Variants in ARHGEF18 observed in about 807,000 individuals in gnomAD.
The protein encoded by ARHGEF18 is Rho/Rac guanine nucleotide exchange factor 18.
A neutral mutation model predicts 155.7 loss-of-function variants in ARHGEF18; 93 were observed. That is an observed-to-expected ratio of 0.60 (90% CI 0.50 to 0.71). ARHGEF18 has a LOEUF of 0.71. Among genes scored for constraint, ARHGEF18 ranks in the 30% least tolerant of loss-of-function variants. The pLI is 0.00. For missense variants in ARHGEF18, 1,593 were observed against 1,816.1 expected (o/e 0.88, Z 2.23); for synonymous variants, 742 against 753.1 (o/e 0.99, Z 0.24).
intron 10 of ARHGEF18, among the ~76,000 whole-genome samples, chr19:7,431,705 T>C (rs565817785): frequency 1.2e-4 from 19 of 152,074 alleles, no homozygotes; most frequent in Middle Eastern, 6.8e-3. Flanking sequence ...TCCCAGCTAC[T>C]CGGGAGGCTG....
At chr19:7,466,804 CAAA>C (rs965666634) in intron 23 of ARHGEF18, 111 bp from the exon 24 acceptor site, 4,070 of 490,012 alleles carry the variant, frequency 8.3e-3, no homozygotes, top group South Asian at 9.7e-3. Flanking sequence ...AATTCCGTCT[CAAA>C]AAAAAAAAAA....
At chr19:7,453,943 G>A (rs1352731825) in intron 17 of ARHGEF18, among the ~76,000 whole-genome samples, 1 of 152,122 alleles carries the variant, frequency 6.6e-6, no homozygotes, top group Non-Finnish European at 1.5e-5. Context: ...TTTATTGGTG[G>A]GTGCCATGTT....
intron 10 of ARHGEF18, among the ~76,000 whole-genome samples, chr19:7,389,783 C>T (rs1479211495): frequency 4.6e-5 from 7 of 152,156 alleles, no homozygotes; most frequent in Non-Finnish European, 8.8e-5. Flanking sequence ...GATCCGCCCA[C>T]GAGTCGTGAC....
chr19:7,359,817 T>G (rs1158798199), intron 1 of ARHGEF18, among the ~76,000 whole-genome samples: 1 of 151,826 alleles, frequency 6.6e-6, no homozygotes. Flanking sequence ...GAGTTCATCA[T>G]CAGGTCAAGC....
intron 10 of ARHGEF18, among the ~76,000 whole-genome samples, chr19:7,433,523 A>AAAAG (rs1245353963): frequency 1.3e-5 from 2 of 150,586 alleles, no homozygotes; most frequent in African/African-American, 4.9e-5. Context: ...AAAAAAAAAA[A>AAAAG]AAAAAAAAAG....
chr19:7,419,238 G>A (rs887216342), intron 10 of ARHGEF18, among the ~76,000 whole-genome samples: 11 of 113,424 alleles, frequency 9.7e-5, no homozygotes, highest in African/African-American at 4.3e-4. Context: ...TCTGTACCCC[G>A]ATGTACCCAC....
At chr19:7,365,339 A>G (rs1468030144) in intron 2 of ARHGEF18, among the ~76,000 whole-genome samples, 1 of 152,180 alleles carries the variant, frequency 6.6e-6, no homozygotes, top group Non-Finnish European at 1.5e-5. Context: ...GGGCAAGAGA[A>G]TCGCTTGAAC....
At chr19:7,478,281 G>C in the ARHGEF18 span, 1 of 1,601,196 alleles carries the variant, frequency 6.2e-7, no homozygotes, top group South Asian at 1.1e-5. Flanking sequence ...TGGAGGGAGT[G>C]GGCCTCCCTG....
chr19:7,459,147 C>T (rs747721650), intron 19 of ARHGEF18, among the ~76,000 whole-genome samples: 52 of 152,232 alleles, frequency 3.4e-4, no homozygotes, highest in Middle Eastern at 3.4e-3. Flanking sequence ...CAGGTTCAAA[C>T]GATTCTGCTG....
chr19:7,453,513 C>T lies in ARHGEF18; in HGVS notation c.1902C>T (p.Ile634=). The T allele has an allele frequency of 6.2e-7, 1 of 1,613,694 alleles. No individual in the cohort carries two copies. Among genetic ancestry groups the T allele is most frequent in the Non-Finnish European group, 8.5e-7 (1 of 1,179,650 alleles). The change falls in exon 17 of 29, where the codon ATC becomes ATT. Residue 634 remains isoleucine (I), a synonymous_variant. Coordinates refer to ENST00000668164, the MANE Select transcript of ARHGEF18 (RefSeq NM_001367823.1). ...ACCTGACCCAGGCCTTGAACCTCAT[C>T]AAAGATATCATCTCACAAGTGGACG... ...YEDLTQALNL[I]KDIISQVDAK...
rs1418965629 is a variant in ARHGEF18 at position 7,471,092 on chromosome 19, C to T, written c.*794C>T. The T allele has an allele frequency of 2.4e-5, 8 of 331,082 alleles. No individual in the cohort carries two copies. The highest frequency in any genetic ancestry group is 2.3e-4 in the East Asian group (5 of 22,026). 20.5% of individuals were successfully genotyped at this position (331,082 alleles called of 1,614,324 possible). A position where few individuals can be genotyped will look rare whatever the true frequency, so the allele number is the denominator to read the frequency against. On this transcript the variant is annotated 3_prime_UTR_variant, in exon 29 of 29. Coordinates refer to ENST00000668164, the MANE Select transcript of ARHGEF18 (RefSeq NM_001367823.1). The surrounding 1 kb of genome is among the most constrained non-coding windows in gnomAD (Gnocchi z 4.4). The stretch of plus-strand genomic sequence containing the variant: ...GTTGCTGTTCACACGCTCAGCCTGT[C>T]TGGGGGAGCGGGCCTCTAGCTTCAG...
intron 10 of ARHGEF18, among the ~76,000 whole-genome samples, chr19:7,421,258 G>A (rs80260354): frequency 2.6e-5 from 4 of 152,136 alleles, no homozygotes; most frequent in South Asian, 2.1e-4. Context: ...TTTCAGCTGC[G>A]TGAGTCCAGT....
Position 7,456,441 on chromosome 19 carries a change from G to A in ARHGEF18, c.2181+38G>A, listed in dbSNP as rs554617489. On this transcript the variant is annotated intron_variant, in intron 18 of 28. Coordinates refer to ENST00000668164, the MANE Select transcript of ARHGEF18 (RefSeq NM_001367823.1). Reference sequence around the variant, plus strand: ...TCTCTTCAGACGAAGGGTCGGCTGGGTGCTGTGGCTCACGTCTATAATCCC... The same window carrying A: ...TCTCTTCAGACGAAGGGTCGGCTGGATGCTGTGGCTCACGTCTATAATCCC... 9 of 1,588,198 alleles carry A rather than the reference G, an allele frequency of 5.7e-6. No individual in the cohort carries two copies. In the South Asian group the frequency reaches 9.9e-5, roughly 18 times the overall value.
In ARHGEF18 at chr19:7,349,002, T is replaced by G. The variant is rs987168511; in HGVS notation, c.-350T>G. ...CTCTCTGCCTCCAGAACCCCCATCCTCTGGGCTCTTTTTAGGCCCCTAGAT... is the reference window on the plus strand; with the variant it reads ...CTCTCTGCCTCCAGAACCCCCATCCGCTGGGCTCTTTTTAGGCCCCTAGAT... On this transcript the variant is annotated 5_prime_UTR_variant, in exon 1 of 29. Transcript: ENST00000668164. 1 of 152,324 alleles carries G rather than the reference T, an allele frequency of 6.6e-6. No homozygotes were observed. Among genetic ancestry groups the G allele is most frequent in the Non-Finnish European group, 1.5e-5 (1 of 68,128 alleles). 9.4% of individuals were successfully genotyped at this position (152,324 alleles called of 1,614,324 possible).
chr19:7,440,437 G>T lies in ARHGEF18; in HGVS notation c.1061G>T (p.Gly354Val). 1 of 1,601,992 alleles carries T rather than the reference G, an allele frequency of 6.2e-7. No homozygotes were observed. The highest frequency in any genetic ancestry group is 1.1e-5 in the South Asian group (1 of 91,082). Residue 354 changes from glycine to valine, a missense_variant, in exon 11 of 29, where the codon GGT becomes GTT. Gly to Val is a moderately radical substitution (Grantham distance 109). Transcript: ENST00000668164. The surrounding 1 kb of genome is among the most constrained non-coding windows in gnomAD (Gnocchi z 5.4). ...NVGMTVSQKG[G>V]PQPTPSPAGP... Reference sequence around the variant, plus strand: ...GGTATGACGGTCTCTCAGAAAGGGGGTCCCCAGCCAACACCGAGCCCGGCT... The same window carrying T: ...GGTATGACGGTCTCTCAGAAAGGGGTTCCCCAGCCAACACCGAGCCCGGCT...
rs1280980135 is a variant in ARHGEF18 at position 7,385,921 on chromosome 19, T to C, written c.967+2718T>C. On this transcript the variant is annotated intron_variant, in intron 10 of 28. Coordinates refer to ENST00000668164, the MANE Select transcript of ARHGEF18 (RefSeq NM_001367823.1). Reference sequence around the variant, plus strand: ...CTCTCTCTCTCCCTCTCTCCCTCTCTCTCTCTCTCTCTCTCCCCCTCTCCC... The same window carrying C: ...CTCTCTCTCTCCCTCTCTCCCTCTCCCTCTCTCTCTCTCTCCCCCTCTCCC... 1.5e-3 allele frequency among the ~76,000 whole-genome samples: 107 copies of C among 69,910 alleles called. 7 individuals carry two copies. Among genetic ancestry groups the C allele is most frequent in the African/African-American group, 8.0e-3 (102 of 12,800 alleles). 45.9% of individuals were successfully genotyped at this position (69,910 alleles called of 152,430 possible).
At chr19:7,423,911 A>G (rs1973505714) in intron 10 of ARHGEF18, among the ~76,000 whole-genome samples, 1 of 152,240 alleles carries the variant, frequency 6.6e-6, no homozygotes, top group African/African-American at 2.4e-5. Context: ...CTCTAGTAGA[A>G]GTGAACCCAG....
At chr19:7,473,679 G>C (rs146147426), downstream of ARHGEF18, among the ~76,000 whole-genome samples, 5 of 151,402 alleles carry the variant, frequency 3.3e-5, no homozygotes, top group Admixed American at 6.6e-5. Context: ...GCGTGGTGGC[G>C]GGCGCCTGTA....
chr19:7,439,280 A>ACG (rs1555720483), intron 10 of ARHGEF18, among the ~76,000 whole-genome samples: 2 of 144,944 alleles, frequency 1.4e-5, no homozygotes, highest in Admixed American at 6.9e-5. Flanking sequence ...ACATAGTGAG[A>ACG]CCCCCCCCCA....
Sources: gnomAD v4.1 joint callset for allele counts (sites outside exome capture counted in the v4.1 genomes callset) on GRCh38, gnomAD v4.1.1 for gene constraint, Gnocchi (gnomAD v3.1) non-coding constraint, MANE v1.5 for transcripts, NCBI Gene and HGNC (gene_info 2026-07-23, HGNC 2026-07-21) for gene names.